The following SCRG1 variants were observed in gnomAD, a reference collection of about 807,000 sequenced individuals.
SCRG1 encodes the protein stimulator of chondrogenesis 1.
In SCRG1, 3 loss-of-function variants were observed where a neutral mutation model predicts 7.7. The ratio of observed to expected loss-of-function variants is 0.39; its 90% CI spans 0.18 to 1.01. The LOEUF is 1.01. Ranked by LOEUF, SCRG1 falls within the 50% of genes least tolerant of loss-of-function variation. The pLI, the probability that SCRG1 is intolerant of heterozygous loss-of-function variation, is 0.36. For missense variants in SCRG1, 110 were observed against 117.2 expected, an observed-to-expected ratio of 0.94 and a Z score of 0.28; for synonymous variants, 46 against 41.2, an observed-to-expected ratio of 1.12 and a Z score of -0.44.
the SCRG1 span, among the ~76,000 whole-genome samples, chr4:173,502,384 C>T: frequency 1.3e-5 from 2 of 152,136 alleles, no homozygotes; most frequent in Non-Finnish European, 2.9e-5. This position sits in a 1 kb window ranked among gnomAD's most constrained non-coding sequence, Gnocchi z 4.6. Context: ...ACTCCATACC[C>T]GGTGTTGAGG....
the SCRG1 span, among the ~76,000 whole-genome samples, chr4:173,485,037 T>TATAAATATAATATATTATATATA: frequency 3.6e-4 from 8 of 22,222 alleles, 2 homozygotes; most frequent in African/African-American, 1.7e-3. Context: ...TATTATATAT[T>TATAAATATAATATATTATATATA]ATATATTATA....
At chr4:173,462,176 A>G in the SCRG1 span, among the ~76,000 whole-genome samples, 1 of 152,204 alleles carries the variant, frequency 6.6e-6, no homozygotes, top group African/African-American at 2.4e-5. Flanking sequence ...GAACCTATAG[A>G]AATATATCAA....
chr4:173,480,207 C>T, the SCRG1 span, among the ~76,000 whole-genome samples: 2 of 152,094 alleles, frequency 1.3e-5, no homozygotes, highest in Non-Finnish European at 2.9e-5. Context: ...TGAATCAAGT[C>T]AAGACTTTAG....
At chr4:173,465,005 G>A in the SCRG1 span, among the ~76,000 whole-genome samples, 90,141 of 152,044 alleles carry the variant, frequency 0.59, 29,288 homozygotes, top group Non-Finnish European at 0.74. Flanking sequence ...TGAAAACATT[G>A]TACAATTCCA....
the SCRG1 span, among the ~76,000 whole-genome samples, chr4:173,506,578 G>A: frequency 7.2e-5 from 11 of 152,332 alleles, no homozygotes; most frequent in Admixed American, 2.6e-4. This position sits in a 1 kb window ranked among gnomAD's most constrained non-coding sequence, Gnocchi z 5.3. Context: ...CTTAATATGC[G>A]ATCATTAAAA....
chr4:173,441,766 T>C, the SCRG1 span, among the ~76,000 whole-genome samples: 7 of 152,128 alleles, frequency 4.6e-5, no homozygotes, highest in Non-Finnish European at 1.0e-4. Context: ...TCCCAATGCT[T>C]TGGAAGGCTG....
chr4:173,408,854 G>A (rs1419045050), upstream of SCRG1, among the ~76,000 whole-genome samples: 2 of 151,940 alleles, frequency 1.3e-5, 1 homozygote, highest in Non-Finnish European at 2.9e-5. Context: ...TTAGCCGGAT[G>A]TGGTGGCGGG....
At chr4:173,421,949 A>G in the SCRG1 span, among the ~76,000 whole-genome samples, 1 of 152,210 alleles carries the variant, frequency 6.6e-6, no homozygotes, top group Non-Finnish European at 1.5e-5. Flanking sequence ...TGTCAGACAC[A>G]TAATATATAA....
At chr4:173,511,155 A>T in the SCRG1 span, among the ~76,000 whole-genome samples, 46 of 152,090 alleles carry the variant, frequency 3.0e-4, no homozygotes, top group Admixed American at 1.6e-3. This position sits in a 1 kb window ranked among gnomAD's most constrained non-coding sequence, Gnocchi z 5.2. Context: ...TTTAGTAGAG[A>T]CGGGGTGGGG....
the SCRG1 span, among the ~76,000 whole-genome samples, chr4:173,477,757 TCC>T: frequency 2.1e-5 from 3 of 142,572 alleles, no homozygotes; most frequent in Admixed American, 7.0e-5. Context: ...CTTCCTTCCT[TCC>T]TTCCTTCCTT....
At chr4:173,485,512 C>A in the SCRG1 span, among the ~76,000 whole-genome samples, 3 of 151,706 alleles carry the variant, frequency 2.0e-5, no homozygotes, top group Admixed American at 6.6e-5. Context: ...CCAGCTGGGC[C>A]CAGCACAAAT....
the SCRG1 span, among the ~76,000 whole-genome samples, chr4:173,482,024 T>C: frequency 2.0e-4 from 31 of 152,284 alleles, no homozygotes; most frequent in African/African-American, 6.5e-4. Flanking sequence ...ATGGATTAAA[T>C]TAAATATTTA....
chr4:173,512,117 T>A, the SCRG1 span, among the ~76,000 whole-genome samples: 2 of 152,254 alleles, frequency 1.3e-5, no homozygotes, highest in Non-Finnish European at 2.9e-5. Flanking sequence ...TGTGGGCCTT[T>A]GGCTTCCAGT....
At chr4:173,517,132 C>T in the SCRG1 span, among the ~76,000 whole-genome samples, 1 of 152,128 alleles carries the variant, frequency 6.6e-6, no homozygotes. Flanking sequence ...GCAGGCCGGG[C>T]CAACCGTCCC....
upstream of SCRG1, among the ~76,000 whole-genome samples, chr4:173,410,604 A>G (rs1474743880): frequency 2.0e-5 from 3 of 152,200 alleles, no homozygotes; most frequent in African/African-American, 4.8e-5. Context: ...CAAATTACCT[A>G]CTATATGGAG....
chr4:173,469,651 G>T, the SCRG1 span: 1 of 152,146 alleles, frequency 6.6e-6, no homozygotes, highest in East Asian at 1.9e-4. Flanking sequence ...CTGTCTAAAA[G>T]AAAATAATAA....
At chr4:173,515,586 C>CTCTG in the SCRG1 span, among the ~76,000 whole-genome samples, 1 of 150,596 alleles carries the variant, frequency 6.6e-6, no homozygotes, top group African/African-American at 2.4e-5. This position sits in a 1 kb window ranked among gnomAD's most constrained non-coding sequence, Gnocchi z 4.6. Context: ...GTGTGTGTGT[C>CTCTG]TGTGTGTGTG....
At chr4:173,515,919 T>G in the SCRG1 span, among the ~76,000 whole-genome samples, 25,352 of 152,152 alleles carry the variant, frequency 0.17, 2,618 homozygotes, top group Middle Eastern at 0.28. This position sits in a 1 kb window ranked among gnomAD's most constrained non-coding sequence, Gnocchi z 4.6. Flanking sequence ...ATGCCTGAAC[T>G]TGGGTGGGAG....
chr4:173,399,857 A>G (rs1251106929), upstream of SCRG1, among the ~76,000 whole-genome samples: 6 of 152,190 alleles, frequency 3.9e-5, no homozygotes, highest in African/African-American at 1.4e-4. Context: ...ATTGTAATGG[A>G]GTTGGAATTA....
Sources: gnomAD v4.1 joint callset for allele counts (sites outside exome capture counted in the v4.1 genomes callset) on GRCh38, gnomAD v4.1.1 for gene constraint, Gnocchi (gnomAD v3.1) non-coding constraint, MANE v1.5 for transcripts, NCBI Gene and HGNC (gene_info 2026-07-23, HGNC 2026-07-21) for gene names.